PCDHGA3: variants seen among roughly 807,000 people sequenced by gnomAD.
The protein encoded by PCDHGA3 is protocadherin gamma subfamily A, 3, also known as protocadherin gamma-A3.
Under a neutral mutation model 58.5 loss-of-function variants are expected in PCDHGA3, and 40 were observed. That is an observed-to-expected ratio of 0.68 (90% CI 0.53 to 0.89). The LOEUF (loss-of-function observed/expected upper bound fraction) is 0.89, where lower values mean the gene tolerates loss of function less well. PCDHGA3 is among the 40% of genes least tolerant of loss of function. PCDHGA3 has a pLI of 0.00. For synonymous variants in PCDHGA3, 530 were observed against 525.7 expected (o/e 1.01, Z -0.11); for missense variants, 1,223 against 1,195.9 (o/e 1.02, Z -0.33).
At chr5:141,409,756 C>T in intron 1 of PCDHGA3, 1 of 1,612,994 alleles carries the variant, frequency 6.2e-7, no homozygotes, top group Non-Finnish European at 8.5e-7. Flanking sequence ...TCGCGCAGCG[C>T]GCCTTTGATC....
chr5:141,403,196 G>C lies in PCDHGA3; in HGVS notation c.2424+56739G>C, dbSNP rs762413220. 13 of 1,613,868 alleles carry C rather than the reference G, an allele frequency of 8.1e-6. No individual in the cohort carries two copies. The highest frequency in any genetic ancestry group is 1.6e-4 in the Middle Eastern group (1 of 6,078). On this transcript the variant is annotated intron_variant, in intron 1 of 3. Transcript: ENST00000253812. ...GCTTTTCTCTCTGAACCCGCGCAGC[G>C]GCACCTTGGTCACCGCGGGTAGGAT...
chr5:141,373,969 C>T, intron 1 of PCDHGA3: 2 of 1,010,234 alleles, frequency 2.0e-6, no homozygotes, highest in Non-Finnish European at 2.7e-6. Context: ...TGAAACGCTT[C>T]GCATCCGGTC....
chr5:141,395,407 G>A (rs1467176036), intron 1 of PCDHGA3: 1 of 826,654 alleles, frequency 1.2e-6, no homozygotes, highest in Non-Finnish European at 1.8e-6. Context: ...ATAGTCATAG[G>A]TTATTGTTTC....
chr5:141,376,437 A>C (rs375879976), intron 1 of PCDHGA3: 1 of 1,614,086 alleles, frequency 6.2e-7, no homozygotes, highest in South Asian at 1.1e-5. Flanking sequence ...CAGGAGAGCT[A>C]TGAGAAAAGC....
intron 1 of PCDHGA3, among the ~76,000 whole-genome samples, chr5:141,474,250 A>G (rs2099346141): frequency 6.6e-6 from 1 of 152,236 alleles, no homozygotes; most frequent in East Asian, 1.9e-4. Flanking sequence ...GGGGAAAAAA[A>G]GACTGATAAA....
intron 1 of PCDHGA3, chr5:141,414,713 C>T: frequency 6.2e-7 from 1 of 1,614,126 alleles, no homozygotes; most frequent in Admixed American, 1.7e-5. Context: ...TCCATCAACT[C>T]AGACACTGGC....
chr5:141,423,154 C>A, intron 1 of PCDHGA3: 1 of 1,613,466 alleles, frequency 6.2e-7, no homozygotes, highest in South Asian at 1.1e-5. Flanking sequence ...CAAGCAGAGC[C>A]TCGTGGTGGC....
chr5:141,364,961 C>T, intron 1 of PCDHGA3: 1 of 1,613,964 alleles, frequency 6.2e-7, no homozygotes, highest in Non-Finnish European at 8.5e-7. Flanking sequence ...TCACGACCTC[C>T]TCCTCACAGC....
intron 1 of PCDHGA3, chr5:141,410,478 C>G (rs767257836): frequency 6.2e-7 from 1 of 1,613,992 alleles, no homozygotes; most frequent in Non-Finnish European, 8.5e-7. Context: ...ATTGCACATA[C>G]GGGTACAAAA....
At position 141,345,848 on chromosome 5, in the gene PCDHGA3, C is replaced by T. The variant is rs200129248; in HGVS notation, c.1815C>T (p.Ser605=). The change falls in exon 1 of 4, where the codon TCC becomes TCT. Residue 605 remains serine, a synonymous_variant. Transcript: ENST00000253812. ...DRDSGQNAWL[S]YRLLKASEPG... ...ACTCGGGCCAGAACGCCTGGCTGTC[C>T]TACCGCCTGCTCAAGGCCAGCGAGC... is the stretch of plus-strand genomic sequence containing the variant. The T allele has an allele frequency of 1.4e-5, 23 of 1,613,204 alleles. No homozygotes were observed. The highest frequency in any genetic ancestry group is 2.2e-5 in the East Asian group (1 of 44,854).
At chr5:141,410,011 G>A in intron 1 of PCDHGA3, 1 of 1,613,302 alleles carries the variant, frequency 6.2e-7, no homozygotes, top group Non-Finnish European at 8.5e-7. Context: ...ACAACGCCTG[G>A]CTGTCCTACC....
At chr5:141,414,135 A>G in intron 1 of PCDHGA3, 1 of 1,595,504 alleles carries the variant, frequency 6.3e-7, no homozygotes, top group Non-Finnish European at 8.5e-7. Context: ...GTTTCTATGA[A>G]ATAGAAATAC....
At chr5:141,415,396 G>C (rs11575962) in intron 1 of PCDHGA3, 2 of 1,614,204 alleles carry the variant, frequency 1.2e-6, no homozygotes, top group Non-Finnish European at 1.7e-6. Flanking sequence ...AGGTGTGTCC[G>C]GCTCGCACTT....
chr5:141,346,271 T>C lies in PCDHGA3; in HGVS notation c.2238T>C (p.Val746=). The change falls in exon 1 of 4, where the codon GTT becomes GTC. Residue 746 remains valine (V), a synonymous_variant. Coordinates refer to ENST00000253812, the MANE Select transcript of PCDHGA3 (RefSeq NM_018916.4). The stretch of plus-strand genomic sequence containing the variant: ...CGCACTTTGTGGGCGCGGACGGGGT[T>C]CGGGCTTTCCTGCAGACCTATTCCC... The part of the protein sequence containing the change: ...PGSHFVGADG[V]RAFLQTYSHE... 1.2e-6 allele frequency: 2 copies of C among 1,614,148 alleles called. No homozygotes were observed. The highest frequency in any genetic ancestry group is 1.1e-5 in the South Asian group (1 of 91,080).
At chr5:141,388,773 GGGGAAATTACT>G (rs1376289371) in intron 1 of PCDHGA3, 2 of 1,613,690 alleles carry the variant, frequency 1.2e-6, no homozygotes, top group African/African-American at 2.7e-5. Context: ...CTCTAACACC[GGGGAAATTACT>G]GTTTTAAATA....
intron 1 of PCDHGA3, among the ~76,000 whole-genome samples, chr5:141,466,826 G>A (rs978548667): frequency 1.2e-4 from 18 of 152,056 alleles, no homozygotes; most frequent in Admixed American, 8.5e-4. Flanking sequence ...TAACAAGTTA[G>A]TATGGGTTTA....
At chr5:141,430,996 G>C in intron 1 of PCDHGA3, 8 of 1,614,024 alleles carry the variant, frequency 5.0e-6, no homozygotes, top group Middle Eastern at 3.3e-4. Context: ...CCCTGAATCC[G>C]CGCAGCGGCA....
intron 1 of PCDHGA3, chr5:141,419,056 T>C (rs2096318283): frequency 6.2e-7 from 1 of 1,613,836 alleles, no homozygotes; most frequent in Non-Finnish European, 8.5e-7. Context: ...CTTCTTCTAA[T>C]AATTACTACA....
intron 1 of PCDHGA3, chr5:141,393,488 A>G: frequency 1.9e-6 from 3 of 1,614,066 alleles, no homozygotes; most frequent in Non-Finnish European, 2.5e-6. Context: ...GCTCTAGCAC[A>G]GTGCGCATCC....
Sources: gnomAD v4.1 joint callset for allele counts (sites outside exome capture counted in the v4.1 genomes callset) on GRCh38, gnomAD v4.1.1 for gene constraint, MANE v1.5 for transcripts, NCBI Gene and HGNC (gene_info 2026-07-23, HGNC 2026-07-21) for gene names.